Variants in CNTNAP2 observed in about 807,000 individuals in gnomAD.
CNTNAP2 encodes the protein contactin associated protein 2, also known as contactin-associated protein-like 2.
A neutral mutation model predicts 155.2 loss-of-function variants in CNTNAP2; 98 were observed. That is an observed-to-expected ratio of 0.63 (90% CI 0.54 to 0.75). The LOEUF is 0.75. Ranked by LOEUF, CNTNAP2 falls within the 30% of genes least tolerant of loss-of-function variation. CNTNAP2 has a pLI of 0.00. For missense variants in CNTNAP2, 1,727 were observed against 1,688.1 expected, an observed-to-expected ratio of 1.02 and a Z score of -0.40; for synonymous variants, 651 against 631.2, an observed-to-expected ratio of 1.03 and a Z score of -0.47.
At chr7:146,431,966 ACAT>A (rs1170511754) in intron 1 of CNTNAP2, among the ~76,000 whole-genome samples, 1 of 152,122 alleles carries the variant, frequency 6.6e-6, no homozygotes, top group Non-Finnish European at 1.5e-5. Flanking sequence ...CACAGAAAAA[ACAT>A]AAATGCTCAA....
At chr7:147,518,544 A>G (rs1276096028) in intron 11 of CNTNAP2, among the ~76,000 whole-genome samples, 1 of 152,190 alleles carries the variant, frequency 6.6e-6, no homozygotes, top group Non-Finnish European at 1.5e-5. Flanking sequence ...GTTTTTCTAG[A>G]TCAGAAACAT....
chr7:148,325,429 A>G (rs1289558261), intron 21 of CNTNAP2, among the ~76,000 whole-genome samples: 2 of 152,218 alleles, frequency 1.3e-5, no homozygotes, highest in Non-Finnish European at 2.9e-5. Flanking sequence ...GTGAGTCACA[A>G]CTAACAAAGA....
rs544464998 is a variant in CNTNAP2 at position 146,911,168 on chromosome 7, C to G, written c.402+71264C>G. On this transcript the variant is annotated intron_variant, in intron 3 of 23. Transcript: ENST00000361727. ...AAGTCAGGATACAACAGGTGCTGGA[C>G]ATGATGTGGAGAAATAGGAACACTT... 2.7e-3 allele frequency among the ~76,000 whole-genome samples: 410 copies of G among 151,956 alleles called. 6 individuals carry two copies. Among genetic ancestry groups the G allele is most frequent in the African/African-American group, 3.0e-3 (122 of 41,336 alleles).
intron 3 of CNTNAP2, among the ~76,000 whole-genome samples, chr7:146,881,309 A>G (rs527497783): frequency 6.6e-6 from 1 of 152,282 alleles, no homozygotes; most frequent in Non-Finnish European, 1.5e-5. Flanking sequence ...AAAGCAGGTT[A>G]TAGAATTGGA....
At chr7:147,009,283 T>A (rs1428152886) in intron 3 of CNTNAP2, among the ~76,000 whole-genome samples, 1 of 152,138 alleles carries the variant, frequency 6.6e-6, no homozygotes, top group South Asian at 2.1e-4. Context: ...AATCATCCGA[T>A]TTTTCCCCAT....
intron 8 of CNTNAP2, among the ~76,000 whole-genome samples, chr7:147,182,837 C>A (rs6948618): frequency 0.017 from 2,648 of 152,196 alleles, 62 homozygotes; most frequent in African/African-American, 0.059. Context: ...GTGAAGACAG[C>A]ATGTATTCAG....
rs200817840 is a variant in CNTNAP2, at chr7:146,931,234, G to A, written c.402+91330G>A. The stretch of plus-strand genomic sequence containing the variant: ...AAAAGAACAGAAATTATAACAAACT[G>A]TCTCTCAGACCACAGTGCAATCAAA... On this transcript the variant is annotated intron_variant, in intron 3 of 23. Transcript: ENST00000361727. Among the ~76,000 whole-genome samples, 37 of 152,184 alleles carry A rather than the reference G, an allele frequency of 2.4e-4. No individual in the cohort carries two copies. In the East Asian group the frequency reaches 3.9e-3, roughly 16 times the overall value.
chr7:148,170,834 T>C (rs1805778354), intron 17 of CNTNAP2, among the ~76,000 whole-genome samples: 1 of 152,210 alleles, frequency 6.6e-6, no homozygotes, highest in East Asian at 1.9e-4. Context: ...TTTCTTAAGA[T>C]AATAGAGTAA....
At chr7:146,809,498 A>C (rs555714862) in intron 2 of CNTNAP2, among the ~76,000 whole-genome samples, 7 of 152,140 alleles carry the variant, frequency 4.6e-5, no homozygotes, top group African/African-American at 1.7e-4. Flanking sequence ...GGTAGCTGGG[A>C]TTACAGGCAC....
chr7:148,353,160 G>T (rs1346455919), intron 21 of CNTNAP2, among the ~76,000 whole-genome samples: 1 of 152,168 alleles, frequency 6.6e-6, no homozygotes. Flanking sequence ...GCAATTGTTT[G>T]GGGACCATTT....
chr7:148,297,988 G>A (rs11972964), intron 21 of CNTNAP2, among the ~76,000 whole-genome samples: 2,744 of 152,168 alleles, frequency 0.018, 30 homozygotes, highest in African/African-American at 0.033. Context: ...AGGATTGAAG[G>A]AGGACACAAA....
chr7:146,352,748 C>CTTTTTTTTTTTTTT (rs1201897985), intron 1 of CNTNAP2, among the ~76,000 whole-genome samples: 13 of 66,190 alleles, frequency 2.0e-4, no homozygotes, highest in African/African-American at 7.6e-4. Flanking sequence ...TAGCATAATT[C>CTTTTTTTTTTTTTT]TGTTTTTTTT....
intron 1 of CNTNAP2, among the ~76,000 whole-genome samples, chr7:146,443,903 T>C (rs573399038): frequency 6.6e-6 from 1 of 152,274 alleles, no homozygotes; most frequent in African/African-American, 2.4e-5. Context: ...GTATAGCCTG[T>C]GAATATGGCT....
chr7:147,930,212 G>T (rs904713550), intron 14 of CNTNAP2, among the ~76,000 whole-genome samples: 8 of 151,974 alleles, frequency 5.3e-5, no homozygotes, highest in African/African-American at 1.5e-4. Flanking sequence ...TAACAAAATG[G>T]CAATAGTAAG....
At chr7:147,149,232 AT>A (rs1346245210) in intron 8 of CNTNAP2, among the ~76,000 whole-genome samples, 1 of 151,906 alleles carries the variant, frequency 6.6e-6, no homozygotes, top group Non-Finnish European at 1.5e-5. Context: ...TGATTGGTGC[AT>A]TTTTACAGAG....
At chr7:147,644,605 GA>G (rs539707966) in intron 13 of CNTNAP2, among the ~76,000 whole-genome samples, 88 of 152,284 alleles carry the variant, frequency 5.8e-4, no homozygotes, top group African/African-American at 2.0e-3. Context: ...CTGGGCGATA[GA>G]GCGAGACTCT....
At chr7:147,985,063 C>T (rs987136872) in intron 15 of CNTNAP2, among the ~76,000 whole-genome samples, 5 of 151,572 alleles carry the variant, frequency 3.3e-5, no homozygotes, top group Admixed American at 3.3e-4. Flanking sequence ...TGCAGTGAGC[C>T]GAAATCACGC....
intron 4 of CNTNAP2, among the ~76,000 whole-genome samples, chr7:147,063,362 T>TA (rs35966916): frequency 0.28 from 41,993 of 151,242 alleles, 6,089 homozygotes; most frequent in East Asian, 0.36. Flanking sequence ...ACTTTGTTGG[T>TA]AAAAAAAAAT....
intron 1 of CNTNAP2, among the ~76,000 whole-genome samples, chr7:146,660,994 C>T (rs1288943349): frequency 1.3e-5 from 2 of 152,124 alleles, no homozygotes; most frequent in African/African-American, 4.8e-5. Flanking sequence ...GGGTAAAAAG[C>T]ACTGGAACAG....
Sources: gnomAD v4.1 joint callset for allele counts (sites outside exome capture counted in the v4.1 genomes callset) on GRCh38, gnomAD v4.1.1 for gene constraint, MANE v1.5 for transcripts, NCBI Gene and HGNC (gene_info 2026-07-23, HGNC 2026-07-21) for gene names.